RGS6: variants seen among roughly 807,000 people sequenced by gnomAD.
The protein encoded by RGS6 is regulator of G-protein signaling 6.
A neutral mutation model predicts 78.5 loss-of-function variants in RGS6; 30 were observed. The observed-to-expected ratio is 0.38, with a 90% confidence interval of 0.29 to 0.52. The LOEUF is 0.52. Among genes scored for constraint, RGS6 ranks in the 20% least tolerant of loss-of-function variants. RGS6 has a pLI of 0.85. For synonymous variants in RGS6, 206 were observed against 206.0 expected (o/e 1.00, Z 0.00); for missense variants, 495 against 609.7 (o/e 0.81, Z 1.98).
intron 2 of RGS6, among the ~76,000 whole-genome samples, chr14:72,035,217 T>C (rs2091507608): frequency 6.6e-6 from 1 of 152,194 alleles, no homozygotes; most frequent in Non-Finnish European, 1.5e-5. Context: ...ACTTTATGAT[T>C]CAGTCTTGGT....
upstream of RGS6, among the ~76,000 whole-genome samples, chr14:71,927,783 G>T (rs12437172): frequency 1.3e-5 from 2 of 150,818 alleles, no homozygotes; most frequent in Non-Finnish European, 2.9e-5. Context: ...TCAGCCTCCC[G>T]TGTAGCTGGG....
chr14:72,246,842 C>T (rs1184723564), intron 2 of RGS6, among the ~76,000 whole-genome samples: 1 of 151,174 alleles, frequency 6.6e-6, no homozygotes, highest in African/African-American at 2.4e-5. Flanking sequence ...AGAGGTGGAG[C>T]TTGCAGTGAG....
the RGS6 span, among the ~76,000 whole-genome samples, chr14:71,898,909 G>A: frequency 2.0e-5 from 3 of 152,050 alleles, no homozygotes; most frequent in Non-Finnish European, 4.4e-5. Flanking sequence ...TTTATTGTAG[G>A]TACACTTTTA....
chr14:72,558,348 C>G (rs1300435538), intron 17 of RGS6, among the ~76,000 whole-genome samples: 1 of 152,138 alleles, frequency 6.6e-6, no homozygotes, highest in African/African-American at 2.4e-5. Flanking sequence ...TGCTGTCCCC[C>G]AGTATGCCCC....
chr14:72,378,261 A>T (rs2085246736), intron 3 of RGS6, among the ~76,000 whole-genome samples: 1 of 152,194 alleles, frequency 6.6e-6, no homozygotes, highest in African/African-American at 2.4e-5. Context: ...AAAACTAAAA[A>T]GATTTCAAAT....
intron 2 of RGS6, among the ~76,000 whole-genome samples, chr14:72,272,591 G>C (rs1310535342): frequency 6.6e-6 from 1 of 152,182 alleles, no homozygotes; most frequent in Non-Finnish European, 1.5e-5. Flanking sequence ...CCTGAAATAA[G>C]ATACAGAATG....
intron 2 of RGS6, among the ~76,000 whole-genome samples, chr14:72,080,916 T>A (rs1567165508): frequency 6.6e-6 from 1 of 152,172 alleles, no homozygotes; most frequent in Non-Finnish European, 1.5e-5. Flanking sequence ...TTTTGATTAC[T>A]GTAGCTTTGT....
intron 5 of RGS6, among the ~76,000 whole-genome samples, chr14:72,459,326 C>A (rs750944795): frequency 4.6e-5 from 7 of 152,150 alleles, no homozygotes; most frequent in Non-Finnish European, 1.0e-4. Context: ...CTTAGGTGCC[C>A]AGTAAGTTAT....
the RGS6 span, among the ~76,000 whole-genome samples, chr14:71,868,695 C>T: frequency 2.2e-3 from 328 of 152,276 alleles, 1 homozygote; most frequent in African/African-American, 7.5e-3. Context: ...TTGGGACCTA[C>T]GACCACTTGG....
At chr14:72,566,710 T>C (rs976522403), downstream of RGS6, among the ~76,000 whole-genome samples, 8 of 145,920 alleles carry the variant, frequency 5.5e-5, no homozygotes, top group African/African-American at 2.1e-4. Flanking sequence ...CCAACCAGGC[T>C]GCCAGGCAGC....
chr14:72,065,954 T>A (rs1387554886), intron 2 of RGS6, among the ~76,000 whole-genome samples: 1 of 141,562 alleles, frequency 7.1e-6, no homozygotes, highest in Non-Finnish European at 1.5e-5. Context: ...CCCCAGAGTG[T>A]GATGTTCCCC....
At chr14:72,260,188 G>A (rs8007922) in intron 2 of RGS6, among the ~76,000 whole-genome samples, 5 of 151,924 alleles carry the variant, frequency 3.3e-5, no homozygotes, top group Non-Finnish European at 7.4e-5. Context: ...GACAATAGTC[G>A]TTACTGTTAG....
intron 2 of RGS6, among the ~76,000 whole-genome samples, chr14:72,184,677 A>G (rs1019268947): frequency 6.6e-6 from 1 of 152,150 alleles, no homozygotes; most frequent in South Asian, 2.1e-4. Context: ...TGTGTCTCTT[A>G]TGGAATAGAT....
chr14:71,914,370 G>C, the RGS6 span, among the ~76,000 whole-genome samples: 1 of 152,198 alleles, frequency 6.6e-6, no homozygotes, highest in Non-Finnish European at 1.5e-5. Flanking sequence ...ATTTGGAGTA[G>C]AATAAATTTG....
At chr14:72,198,394 C>A (rs978377911) in intron 2 of RGS6, among the ~76,000 whole-genome samples, 1 of 152,192 alleles carries the variant, frequency 6.6e-6, no homozygotes, top group Non-Finnish European at 1.5e-5. Flanking sequence ...GCATAAGGCC[C>A]AGGCCATAAG....
chr14:71,960,714 G>C (rs560777143), intron 1 of RGS6, among the ~76,000 whole-genome samples: 2 of 152,280 alleles, frequency 1.3e-5, no homozygotes, highest in African/African-American at 4.8e-5. Context: ...ATCTTTCTGG[G>C]ATCAGATTAT....
chr14:72,165,869 C>A (rs1396274428), intron 2 of RGS6, among the ~76,000 whole-genome samples: 1 of 152,080 alleles, frequency 6.6e-6, no homozygotes, highest in East Asian at 1.9e-4. Context: ...CCCTTTCAAG[C>A]AATTCTTGCT....
chr14:72,118,622 A>T (rs138972301), intron 2 of RGS6, among the ~76,000 whole-genome samples: 6 of 152,334 alleles, frequency 3.9e-5, no homozygotes, highest in African/African-American at 1.4e-4. Context: ...TATCTTTCTG[A>T]GGTCATTACA....
At chr14:72,364,393 G>T (rs751604242) in intron 3 of RGS6, among the ~76,000 whole-genome samples, 4 of 152,302 alleles carry the variant, frequency 2.6e-5, no homozygotes, top group Admixed American at 2.6e-4. Flanking sequence ...TGTTACTGTG[G>T]CAAGAGAAGC....
Sources: gnomAD v4.1 joint callset for allele counts (sites outside exome capture counted in the v4.1 genomes callset) on GRCh38, gnomAD v4.1.1 for gene constraint, MANE v1.5 for transcripts, NCBI Gene and HGNC (gene_info 2026-07-23, HGNC 2026-07-21) for gene names.